The following ZNF407 variants were observed in gnomAD, a reference collection of about 807,000 sequenced individuals.
The protein encoded by ZNF407 is zinc finger protein 407.
A neutral mutation model predicts 131.2 loss-of-function variants in ZNF407; 17 were observed. The observed-to-expected ratio is 0.13, with a 90% CI of 0.09 to 0.19. The LOEUF is 0.19. ZNF407 is among the 10% of genes least tolerant of loss of function. ZNF407 has a pLI of 1.00. For synonymous variants in ZNF407, 1,156 were observed against 1,062.0 expected (o/e 1.09, Z -1.72); for missense variants, 2,681 against 2,830.6 (o/e 0.95, Z 1.20).
chr18:74,941,737 T>C (rs1311718417), intron 8 of ZNF407, among the ~76,000 whole-genome samples: 1 of 152,098 alleles, frequency 6.6e-6, no homozygotes, highest in Non-Finnish European at 1.5e-5. Context: ...TACAGAAAAA[T>C]GCTTTCGTAG....
At chr18:74,708,022 T>G (rs1292687774) in intron 3 of ZNF407, among the ~76,000 whole-genome samples, 1 of 152,252 alleles carries the variant, frequency 6.6e-6, no homozygotes, top group African/African-American at 2.4e-5. Flanking sequence ...ATCTCTGTTC[T>G]TCCTAAGTTT....
intron 4 of ZNF407, among the ~76,000 whole-genome samples, chr18:74,876,232 C>T (rs563346887): frequency 8.5e-5 from 13 of 152,328 alleles, no homozygotes; most frequent in East Asian, 1.9e-4. Flanking sequence ...GCTTGCCAGA[C>T]ACTATCTTTG....
At chr18:74,899,011 G>T (rs1210810321) in intron 7 of ZNF407, among the ~76,000 whole-genome samples, 1 of 152,104 alleles carries the variant, frequency 6.6e-6, no homozygotes, top group African/African-American at 2.4e-5. Context: ...TTGATTTCAA[G>T]TTCTCTTTTT....
chr18:74,842,870 A>G (rs1277748972), intron 4 of ZNF407, among the ~76,000 whole-genome samples: 1 of 151,896 alleles, frequency 6.6e-6, no homozygotes, highest in African/African-American at 2.4e-5. Flanking sequence ...GCATGAACCA[A>G]CACGCCCAGC....
At chr18:74,815,060 C>T (rs559553975) in intron 4 of ZNF407, among the ~76,000 whole-genome samples, 1 of 150,568 alleles carries the variant, frequency 6.6e-6, no homozygotes, top group Non-Finnish European at 1.5e-5. Context: ...AGAAGTATAA[C>T]AATATAAATT....
intron 8 of ZNF407, among the ~76,000 whole-genome samples, chr18:74,981,786 A>G (rs1972596519): frequency 6.6e-6 from 1 of 152,250 alleles, no homozygotes; most frequent in Non-Finnish European, 1.5e-5. Flanking sequence ...ATTGTTTTCC[A>G]GTTACAATTT....
At chr18:74,804,120 G>A (rs1230734077) in intron 4 of ZNF407, 2 of 1,519,264 alleles carry the variant, frequency 1.3e-6, no homozygotes, top group Non-Finnish European at 1.8e-6. Context: ...TTTGGTTGAA[G>A]TTAGACATAT....
intron 4 of ZNF407, among the ~76,000 whole-genome samples, chr18:74,817,470 C>T (rs1398123087): frequency 6.6e-6 from 1 of 152,114 alleles, no homozygotes; most frequent in African/African-American, 2.4e-5. Flanking sequence ...CTGCAATCTT[C>T]AGTCAATTTA....
chr18:75,063,262 G>A lies in ZNF407; in HGVS notation c.5541G>A (p.Glu1847=). 6.2e-7 allele frequency: 1 copy of A among 1,613,674 alleles called. No individual in the cohort carries two copies. ...TGGCAGAAGAGCCCCTCGTCAAGGA[G>A]AAGCCCCTCAGAAGCAGCAGGAGGC... The part of the protein sequence containing the change: ...AALAEEPLVK[E]KPLRSSRRPA... Residue 1847 remains glutamate, a synonymous_variant, in exon 9 of 9, where the codon GAG becomes GAA. Coordinates refer to ENST00000299687, the MANE Select transcript of ZNF407 (RefSeq NM_017757.3). This position sits in a 1 kb window ranked among gnomAD's most constrained non-coding sequence, Gnocchi z 6.6.
chr18:74,896,890 G>C (rs1406244200), intron 7 of ZNF407, among the ~76,000 whole-genome samples: 1 of 152,164 alleles, frequency 6.6e-6, no homozygotes, highest in Non-Finnish European at 1.5e-5. Context: ...CTTTGCAGCA[G>C]AACTTGAGTT....
chr18:74,732,058 T>TTCAGTTATA (rs1490153073), intron 3 of ZNF407, among the ~76,000 whole-genome samples: 1 of 152,180 alleles, frequency 6.6e-6, no homozygotes, highest in African/African-American at 2.4e-5. Context: ...TAGGTAGGTT[T>TTCAGTTATA]TCAGTTATAT....
intron 8 of ZNF407, among the ~76,000 whole-genome samples, chr18:75,034,120 G>A (rs1453649621): frequency 6.6e-6 from 1 of 152,002 alleles, no homozygotes; most frequent in Non-Finnish European, 1.5e-5. Flanking sequence ...ACACATATCA[G>A]CGTTCTGTAA....
chr18:74,861,415 T>G (rs1266709913), intron 4 of ZNF407, among the ~76,000 whole-genome samples: 2 of 152,214 alleles, frequency 1.3e-5, no homozygotes, highest in Non-Finnish European at 2.9e-5. Flanking sequence ...TGACATCACT[T>G]AGCGGAATGT....
intron 3 of ZNF407, among the ~76,000 whole-genome samples, chr18:74,678,509 C>T (rs1331433445): frequency 6.6e-6 from 1 of 152,158 alleles, no homozygotes; most frequent in African/African-American, 2.4e-5. Context: ...GCTGTCCTCT[C>T]TGAAGTGGCA....
At chr18:74,722,654 T>C (rs776995412) in intron 3 of ZNF407, among the ~76,000 whole-genome samples, 5 of 152,218 alleles carry the variant, frequency 3.3e-5, no homozygotes, top group Non-Finnish European at 4.4e-5. Context: ...TGGAGGGAAC[T>C]GTAACATCCC....
chr18:74,900,656 A>T (rs1350591323), intron 7 of ZNF407, among the ~76,000 whole-genome samples: 1 of 152,174 alleles, frequency 6.6e-6, no homozygotes, highest in African/African-American at 2.4e-5. Flanking sequence ...TTTTTCTAAG[A>T]TCAGTAAGTC....
intron 8 of ZNF407, among the ~76,000 whole-genome samples, chr18:74,984,613 T>C (rs1049394342): frequency 1.3e-5 from 2 of 152,240 alleles, no homozygotes; most frequent in African/African-American, 4.8e-5. Context: ...TGGATGTTAA[T>C]AACCAACTAT....
intron 4 of ZNF407, among the ~76,000 whole-genome samples, chr18:74,819,248 G>A (rs775034484): frequency 3.3e-5 from 5 of 152,224 alleles, no homozygotes; most frequent in African/African-American, 9.6e-5. Context: ...TTGTTATATC[G>A]GGGCTGAATC....
intron 4 of ZNF407, among the ~76,000 whole-genome samples, chr18:74,813,355 T>G (rs1472697970): frequency 6.6e-6 from 1 of 152,176 alleles, no homozygotes; most frequent in Non-Finnish European, 1.5e-5. Flanking sequence ...GCTCACACTC[T>G]GCGCAGCTTC....
Sources: gnomAD v4.1 joint callset for allele counts (sites outside exome capture counted in the v4.1 genomes callset) on GRCh38, gnomAD v4.1.1 for gene constraint, Gnocchi (gnomAD v3.1) non-coding constraint, MANE v1.5 for transcripts, NCBI Gene and HGNC (gene_info 2026-07-23, HGNC 2026-07-21) for gene names.